The following PDSS2 variants were observed in gnomAD, a reference collection of about 807,000 sequenced individuals.
PDSS2 encodes the protein all trans-polyprenyl-diphosphate synthase PDSS2.
Under a neutral mutation model 44.5 loss-of-function variants are expected in PDSS2, and 31 were observed. The ratio of observed to expected loss-of-function variants is 0.70; its 90% CI spans 0.52 to 0.94. The LOEUF is 0.94. PDSS2 is among the 40% of genes least tolerant of loss of function. The pLI is 0.00. For synonymous variants in PDSS2, 157 were observed against 180.3 expected, an observed-to-expected ratio of 0.87 and a Z score of 1.03; for missense variants, 452 against 482.2, an observed-to-expected ratio of 0.94 and a Z score of 0.59.
At chr6:107,417,576 T>C (rs1256175023) in intron 1 of PDSS2, among the ~76,000 whole-genome samples, 11 of 152,138 alleles carry the variant, frequency 7.2e-5, no homozygotes, top group Non-Finnish European at 2.9e-5. Flanking sequence ...CTAGCCAACA[T>C]GGTGAAACCC....
chr6:107,186,979 C>G (rs900956980), intron 7 of PDSS2, among the ~76,000 whole-genome samples: 2 of 152,134 alleles, frequency 1.3e-5, no homozygotes, highest in Non-Finnish European at 2.9e-5. Flanking sequence ...ACCAGGGGAA[C>G]CCTAAGCCAC....
At chr6:107,397,570 G>T (rs975026248) in intron 1 of PDSS2, among the ~76,000 whole-genome samples, 1 of 152,202 alleles carries the variant, frequency 6.6e-6, no homozygotes, top group African/African-American at 2.4e-5. Context: ...GAGCTTGTGT[G>T]ATTCTTTTGA....
chr6:107,339,742 T>G (rs1778021445), intron 1 of PDSS2, among the ~76,000 whole-genome samples: 1 of 151,962 alleles, frequency 6.6e-6, no homozygotes, highest in Non-Finnish European at 1.5e-5. Flanking sequence ...GGGGGGTATA[T>G]TTGCAGCACA....
chr6:107,302,449 A>G (rs1006032914), intron 2 of PDSS2, among the ~76,000 whole-genome samples: 2 of 150,802 alleles, frequency 1.3e-5, no homozygotes, highest in African/African-American at 4.8e-5. Flanking sequence ...AATTTTTTTT[A>G]TAGAGATGAG....
intron 3 of PDSS2, among the ~76,000 whole-genome samples, chr6:107,268,064 A>T (rs1775469280): frequency 6.6e-6 from 1 of 152,210 alleles, no homozygotes; most frequent in Non-Finnish European, 1.5e-5. Flanking sequence ...CATGATGAGA[A>T]GGTAGGGCAG....
chr6:107,196,716 G>A (rs1336687735), intron 6 of PDSS2, among the ~76,000 whole-genome samples: 2 of 152,184 alleles, frequency 1.3e-5, no homozygotes, highest in Middle Eastern at 6.8e-3. Flanking sequence ...GGCAACTCCT[G>A]ACTTCAGGAT....
intron 7 of PDSS2, among the ~76,000 whole-genome samples, chr6:107,189,747 T>C (rs1400681519): frequency 6.6e-6 from 1 of 152,182 alleles, no homozygotes; most frequent in African/African-American, 2.4e-5. Context: ...GGTGCTCTTA[T>C]TTGTGCACCA....
chr6:107,327,176 G>A (rs1168662263), intron 2 of PDSS2, among the ~76,000 whole-genome samples: 1 of 152,056 alleles, frequency 6.6e-6, no homozygotes, highest in Non-Finnish European at 1.5e-5. Flanking sequence ...ATTGGCAGGT[G>A]TGTCTCGCAG....
chr6:107,451,945 T>C (rs1781880339), intron 1 of PDSS2, among the ~76,000 whole-genome samples: 1 of 152,258 alleles, frequency 6.6e-6, no homozygotes, highest in South Asian at 2.1e-4. Flanking sequence ...AAAAGGCTAA[T>C]AATGTTGAAC....
intron 4 of PDSS2, among the ~76,000 whole-genome samples, chr6:107,217,721 C>G (rs1323743860): frequency 6.6e-6 from 1 of 152,110 alleles, no homozygotes; most frequent in Non-Finnish European, 1.5e-5. Context: ...GGAATTAATC[C>G]TACAGATAAA....
At chr6:107,361,084 T>C (rs1778758960) in intron 1 of PDSS2, among the ~76,000 whole-genome samples, 1 of 152,160 alleles carries the variant, frequency 6.6e-6, no homozygotes, top group Non-Finnish European at 1.5e-5. Flanking sequence ...ACCCAAATCC[T>C]ATTTGGAAAA....
chr6:107,298,343 C>G (rs1357689988), intron 2 of PDSS2, among the ~76,000 whole-genome samples: 1 of 151,914 alleles, frequency 6.6e-6, no homozygotes, highest in African/African-American at 2.4e-5. Context: ...TCATTATTCC[C>G]TAAATAATCT....
intron 7 of PDSS2, chr6:107,192,324 A>G (rs1020715112): frequency 1.2e-5 from 6 of 502,332 alleles, no homozygotes; most frequent in South Asian, 7.4e-5. Flanking sequence ...TGGGAGGGAG[A>G]GAAAGGACTT....
intron 7 of PDSS2, chr6:107,192,417 G>T (rs1772411953): frequency 4.1e-6 from 2 of 493,230 alleles, no homozygotes; most frequent in Non-Finnish European, 8.1e-6. Context: ...CAAAGAAGAG[G>T]CAGTGAAGGA....
intron 2 of PDSS2, among the ~76,000 whole-genome samples, chr6:107,318,465 C>A (rs1777273730): frequency 6.6e-6 from 1 of 151,420 alleles, no homozygotes; most frequent in South Asian, 2.1e-4. Context: ...TACTTTGACA[C>A]AATCAGAGAT....
intron 1 of PDSS2, among the ~76,000 whole-genome samples, chr6:107,389,800 C>T (rs1344481572): frequency 1.3e-5 from 2 of 151,830 alleles, no homozygotes; most frequent in African/African-American, 4.8e-5. Flanking sequence ...TTTCTAAATA[C>T]CACTATTCAA....
chr6:107,162,276 C>G (rs1771160980), intron 7 of PDSS2, among the ~76,000 whole-genome samples: 1 of 152,020 alleles, frequency 6.6e-6, no homozygotes, highest in African/African-American at 2.4e-5. Flanking sequence ...GGGGATGGAT[C>G]ACTTGAGGCC....
At position 107,454,311 on chromosome 6, in the gene PDSS2, G is replaced by A. The variant is rs117440615; in HGVS notation, c.296+4679C>T. On this transcript the variant is annotated intron_variant, in intron 1 of 7. Transcript: ENST00000369037. ...AATCTGCCTACCTTGGCCTCCCAAA[G>A]TTCTGGGATTGCAGGTGTGAACCAC... Among the ~76,000 whole-genome samples, 1,350 of 152,146 alleles carry A rather than the reference G, an allele frequency of 8.9e-3. 51 individuals are homozygous for A. The East Asian group carries it at 0.12, about 13-fold the overall frequency.
intron 1 of PDSS2, among the ~76,000 whole-genome samples, chr6:107,350,988 G>C (rs1249789165): frequency 1.3e-5 from 2 of 151,958 alleles, no homozygotes; most frequent in African/African-American, 4.8e-5. Context: ...TAAGGTCTTG[G>C]ATTAAGCAAA....
Sources: gnomAD v4.1 joint callset for allele counts (sites outside exome capture counted in the v4.1 genomes callset) on GRCh38, gnomAD v4.1.1 for gene constraint, MANE v1.5 for transcripts, NCBI Gene and HGNC (gene_info 2026-07-23, HGNC 2026-07-21) for gene names.